Variants in GDPD4 observed in about 807,000 individuals in gnomAD.
GDPD4 encodes glycerophosphodiester phosphodiesterase 6.
A neutral mutation model predicts 67.8 loss-of-function variants in GDPD4; 60 were observed. The observed-to-expected ratio is 0.88, with a 90% CI of 0.72 to 1.10. The LOEUF is 1.10. Ranked by LOEUF, GDPD4 falls within the 50% of genes least tolerant of loss-of-function variation. The pLI is 0.00. For missense variants in GDPD4, 623 were observed against 613.9 expected (o/e 1.01, Z -0.16); for synonymous variants, 212 against 210.9 (o/e 1.00, Z -0.04).
chr11:77,235,009 G>GTTTTGTT (rs1958524851), intron 13 of GDPD4, among the ~76,000 whole-genome samples: 1 of 52,254 alleles, frequency 1.9e-5, no homozygotes, highest in African/African-American at 6.3e-5. Flanking sequence ...GTCAATATCT[G>GTTTTGTT]TTTTTTTTTT....
At chr11:77,233,446 G>GAAAAAAAAAAAAAAAA (rs34507126) in intron 13 of GDPD4, among the ~76,000 whole-genome samples, 2 of 100,406 alleles carry the variant, frequency 2.0e-5, no homozygotes, top group Admixed American at 1.1e-4. Flanking sequence ...AAAACATATT[G>GAAAAAAAAAAAAAAAA]AAAAAAAAAA....
intron 11 of GDPD4, among the ~76,000 whole-genome samples, chr11:77,257,562 C>G (rs867806388): frequency 0.012 from 1,842 of 149,050 alleles, 42 homozygotes; most frequent in African/African-American, 0.044. Context: ...TACACACACA[C>G]ACACACACAC....
At chr11:77,288,548 G>A (rs1238464649) in intron 1 of GDPD4, among the ~76,000 whole-genome samples, 1 of 152,100 alleles carries the variant, frequency 6.6e-6, no homozygotes, top group Non-Finnish European at 1.5e-5. Flanking sequence ...CACTGATATT[G>A]ATTACAGCCA....
intron 1 of GDPD4, among the ~76,000 whole-genome samples, chr11:77,290,056 G>T (rs1487791356): frequency 6.6e-6 from 1 of 152,122 alleles, no homozygotes; most frequent in Non-Finnish European, 1.5e-5. Flanking sequence ...GAAGCTCAAA[G>T]ATCCCCAAAT....
At chr11:77,262,348 C>T (rs1307920307) in intron 10 of GDPD4, among the ~76,000 whole-genome samples, 1 of 152,142 alleles carries the variant, frequency 6.6e-6, no homozygotes, top group African/African-American at 2.4e-5. Flanking sequence ...CCTTAATGAT[C>T]ACACTTCAGG....
chr11:77,294,960 C>CTTTTTTTTTTTTTTTTTTTTTTTTT (rs144796072), intron 1 of GDPD4, among the ~76,000 whole-genome samples: 1 of 66,384 alleles, frequency 1.5e-5, no homozygotes, highest in African/African-American at 6.0e-5. Flanking sequence ...TACAACTTTG[C>CTTTTTTTTTTTTTTTTTTTTTTTTT]TTTTTTTTTT....
chr11:77,283,328 A>G (rs181673705), intron 3 of GDPD4, among the ~76,000 whole-genome samples: 1 of 152,316 alleles, frequency 6.6e-6, no homozygotes, highest in Middle Eastern at 3.4e-3. Context: ...GACCAGAGTG[A>G]CCAGTGTCAT....
At chr11:77,261,134 T>C (rs1031840684) in intron 10 of GDPD4, among the ~76,000 whole-genome samples, 6 of 152,228 alleles carry the variant, frequency 3.9e-5, no homozygotes, top group Non-Finnish European at 7.3e-5. Context: ...TACTACTATA[T>C]TTTTCCTGCA....
chr11:77,252,082 G>C (rs1307881932), intron 11 of GDPD4, among the ~76,000 whole-genome samples: 1 of 47,438 alleles, frequency 2.1e-5, no homozygotes, highest in Admixed American at 2.3e-4. Flanking sequence ...TTTTTTTTTT[G>C]AGACAGAGTC....
chr11:77,288,414 C>T (rs1333203749), intron 1 of GDPD4, among the ~76,000 whole-genome samples: 1 of 152,096 alleles, frequency 6.6e-6, no homozygotes, highest in African/African-American at 2.4e-5. Context: ...CAGGAACAAT[C>T]GGCCTGCCAC....
At chr11:77,223,984 G>A (rs117998837) in intron 16 of GDPD4, among the ~76,000 whole-genome samples, 14 of 152,342 alleles carry the variant, frequency 9.2e-5, no homozygotes, top group African/African-American at 1.4e-4. Context: ...CTCTGTGGGC[G>A]TGGGACCTGC....
chr11:77,299,257 T>C (rs1938082616), intron 1 of GDPD4, among the ~76,000 whole-genome samples: 1 of 152,106 alleles, frequency 6.6e-6, no homozygotes, highest in Non-Finnish European at 1.5e-5. Context: ...TCCCATTAAT[T>C]TGCCCAAAGA....
intron 11 of GDPD4, among the ~76,000 whole-genome samples, chr11:77,248,205 C>CTTT (rs974874400): frequency 5.0e-5 from 7 of 140,864 alleles, no homozygotes; most frequent in African/African-American, 1.8e-4. Context: ...ATTTTCTTTT[C>CTTT]TTTTTTTTTT....
At chr11:77,218,304 A>T (rs1225882207) in intron 16 of GDPD4, among the ~76,000 whole-genome samples, 4 of 152,126 alleles carry the variant, frequency 2.6e-5, no homozygotes, top group African/African-American at 9.7e-5. Context: ...TTTTTTGATT[A>T]AAGTCTATTT....
chr11:77,280,887 G>A (rs1959726443), intron 3 of GDPD4, among the ~76,000 whole-genome samples: 1 of 152,220 alleles, frequency 6.6e-6, no homozygotes, highest in Non-Finnish European at 1.5e-5. Flanking sequence ...GTGACTGCCT[G>A]AACATCAGTG....
chr11:77,267,089 T>C (rs1959181542), intron 10 of GDPD4, among the ~76,000 whole-genome samples: 1 of 152,206 alleles, frequency 6.6e-6, no homozygotes, highest in Admixed American at 6.5e-5. Context: ...TTTTATCTTT[T>C]ATATTGTTAT....
intron 8 of GDPD4, among the ~76,000 whole-genome samples, 158 bp downstream of exon 8, chr11:77,269,725 A>G (rs969670789): frequency 1.3e-5 from 2 of 152,066 alleles, no homozygotes; most frequent in Non-Finnish European, 2.9e-5. Flanking sequence ...TAGTACATAC[A>G]CACACATTCA....
chr11:77,292,313 G>A (rs567077850), intron 1 of GDPD4, among the ~76,000 whole-genome samples: 18 of 152,050 alleles, frequency 1.2e-4, no homozygotes, highest in African/African-American at 4.1e-4. Context: ...AAATTAATGA[G>A]AGTTGGAAAA....
intron 13 of GDPD4, among the ~76,000 whole-genome samples, chr11:77,236,575 A>G (rs1958571900): frequency 6.6e-6 from 1 of 152,366 alleles, no homozygotes; most frequent in Admixed American, 6.5e-5. Context: ...TAAGGCGGCC[A>G]GTGTGGCAAT....
Sources: gnomAD v4.1 joint callset for allele counts (sites outside exome capture counted in the v4.1 genomes callset) on GRCh38, gnomAD v4.1.1 for gene constraint, MANE v1.5 for transcripts, NCBI Gene and HGNC (gene_info 2026-07-23, HGNC 2026-07-21) for gene names.